The following NTM variants were observed in gnomAD, a reference collection of about 807,000 sequenced individuals.
The protein encoded by NTM is neurotrimin, also known as IgLON family member 2.
A neutral mutation model predicts 42.1 loss-of-function variants in NTM; 13 were observed. That is an observed-to-expected ratio of 0.31 (90% CI 0.20 to 0.49). The LOEUF is 0.49. Ranked by LOEUF, NTM falls within the 20% of genes least tolerant of loss-of-function variation. NTM has a pLI of 0.99. For synonymous variants in NTM, 187 were observed against 179.2 expected (o/e 1.04, Z -0.35); for missense variants, 373 against 452.8 (o/e 0.82, Z 1.60).
chr11:132,234,874 A>T (rs774184538), intron 4 of NTM, among the ~76,000 whole-genome samples: 8 of 152,138 alleles, frequency 5.3e-5, no homozygotes, highest in Non-Finnish European at 7.3e-5. Context: ...GTTTGTGTCA[A>T]TCTTGTAGTC....
chr11:132,325,777 A>G (rs1467332242), intron 7 of NTM, among the ~76,000 whole-genome samples: 1 of 152,242 alleles, frequency 6.6e-6, no homozygotes, highest in Non-Finnish European at 1.5e-5. Context: ...TAAATTTCCA[A>G]CAACAATAGA....
chr11:132,317,743 GC>G, intron 7 of NTM: 1 of 1,132,174 alleles, frequency 8.8e-7, no homozygotes, highest in South Asian at 1.3e-5. Context: ...TATCCCAGAG[GC>G]CCCCTTCCCC....
chr11:132,068,236 T>C (rs2056817742), intron 2 of NTM, among the ~76,000 whole-genome samples: 1 of 152,208 alleles, frequency 6.6e-6, no homozygotes, highest in African/African-American at 2.4e-5. Flanking sequence ...CAAGGGTCTT[T>C]TTTTGCGTAA....
intron 3 of NTM, among the ~76,000 whole-genome samples, chr11:132,190,303 C>A (rs1356770257): frequency 6.6e-6 from 1 of 152,058 alleles, no homozygotes; most frequent in Non-Finnish European, 1.5e-5. Context: ...GGTAGCATAG[C>A]AAGGAAGGGC....
intron 2 of NTM, among the ~76,000 whole-genome samples, chr11:131,998,620 C>A (rs555988998): frequency 5.9e-5 from 9 of 152,154 alleles, no homozygotes; most frequent in African/African-American, 2.2e-4. Flanking sequence ...GTTAGAGAGA[C>A]ACAATCTCAT....
chr11:131,494,224 C>A (rs998431853), intron 1 of NTM, among the ~76,000 whole-genome samples: 5 of 152,060 alleles, frequency 3.3e-5, no homozygotes, highest in African/African-American at 1.2e-4. Context: ...CTTTGAGCTC[C>A]TACAATGTCT....
intron 1 of NTM, among the ~76,000 whole-genome samples, chr11:131,430,701 G>A (rs1948577199): frequency 6.6e-6 from 1 of 152,232 alleles, no homozygotes. Flanking sequence ...CACTTGTGCT[G>A]TACCTTATCA....
At position 131,578,346 on chromosome 11, in the gene NTM, A is replaced by G. The variant is rs6590587; in HGVS notation, c.82+207458A>G. On this transcript the variant is annotated intron_variant, in intron 1 of 8. Coordinates refer to ENST00000683400, the MANE Select transcript of NTM (RefSeq NM_001352005.2). ...TGTCAGATTCAGTTATGATCTATCT[A>G]ACGGCAGGAAGTAGAGGCTCTTTGA... 3.6e-3 allele frequency among the ~76,000 whole-genome samples: 541 copies of G among 152,354 alleles called. 4 individuals carry two copies. Among genetic ancestry groups the G allele is most frequent in the African/African-American group, 0.012 (510 of 41,584 alleles).
At chr11:131,581,752 C>T (rs1478844932) in intron 1 of NTM, among the ~76,000 whole-genome samples, 1 of 152,092 alleles carries the variant, frequency 6.6e-6, no homozygotes, top group African/African-American at 2.4e-5. Flanking sequence ...AGACTGATCC[C>T]CTAAAATGGC....
At position 132,335,406 on chromosome 11, in the gene NTM, C is replaced by T. The variant is rs1021862200; in HGVS notation, c.*260C>T. The T allele has an allele frequency of 6.9e-6, 3 of 434,664 alleles. No homozygotes were observed. The highest frequency in any genetic ancestry group is 4.1e-5 in the African/African-American group (2 of 49,200). The allele number at this position is 434,664 out of a possible 1,614,324, so 26.9% of individuals were successfully genotyped here. ...TTTCCCAAACGGGAAGAACACAGCA[C>T]ACCCGGCTTGGACCCACTGCAAGCT... On this transcript the variant is annotated 3_prime_UTR_variant, in exon 9 of 9. Coordinates refer to ENST00000683400, the MANE Select transcript of NTM (RefSeq NM_001352005.2).
chr11:131,548,035 C>A (rs1364020361), intron 1 of NTM, among the ~76,000 whole-genome samples: 1 of 152,154 alleles, frequency 6.6e-6, no homozygotes, highest in African/African-American at 2.4e-5. Flanking sequence ...CTACCACATA[C>A]TAATTAGGTG....
intron 3 of NTM, among the ~76,000 whole-genome samples, chr11:132,191,381 A>C (rs1226997278): frequency 6.6e-6 from 1 of 152,204 alleles, no homozygotes; most frequent in African/African-American, 2.4e-5. Flanking sequence ...GTTCCAGCCC[A>C]ACAGGGTTAG....
chr11:132,307,731 G>A lies in NTM; in HGVS notation c.569G>A (p.Gly190Asp), dbSNP rs1046376079. ...GAAGACGAATACTTGGAAATTCAGG[G>A]CATCACCAGGGAGCAGTCAGGGGAC... ...VSEDEYLEIQ[G>D]ITREQSGDYE... The change falls in exon 5 of 9, where the codon GGC becomes GAC. Residue 190 changes from glycine (G) to aspartate (D), a missense_variant. Coordinates refer to ENST00000683400, the MANE Select transcript of NTM (RefSeq NM_001352005.2). 3 of 1,614,082 alleles carry A rather than the reference G, an allele frequency of 1.9e-6. No homozygotes were observed. The highest frequency in any genetic ancestry group is 2.5e-6 in the Non-Finnish European group (3 of 1,180,036).
intron 4 of NTM, among the ~76,000 whole-genome samples, chr11:132,267,067 T>C (rs1033692166): frequency 8.5e-5 from 13 of 152,300 alleles, no homozygotes; most frequent in African/African-American, 1.9e-4. Context: ...AACATTTTCA[T>C]GTGCTAGCAC....
At chr11:132,275,904 C>T (rs2093708082) in intron 4 of NTM, among the ~76,000 whole-genome samples, 1 of 151,518 alleles carries the variant, frequency 6.6e-6, no homozygotes, top group Non-Finnish European at 1.5e-5. Context: ...CCATAGTCAC[C>T]CTGCAATGCA....
chr11:131,428,691 C>T (rs542139167), intron 1 of NTM, among the ~76,000 whole-genome samples: 2 of 152,190 alleles, frequency 1.3e-5, no homozygotes, highest in Admixed American at 6.5e-5. Flanking sequence ...ATTTCTGACA[C>T]ATAGTAGAGC....
chr11:131,664,689 A>G (rs2068688046), intron 1 of NTM, among the ~76,000 whole-genome samples: 1 of 151,226 alleles, frequency 6.6e-6, no homozygotes, highest in African/African-American at 2.4e-5. Flanking sequence ...GTAGTTCATT[A>G]TCCCCAAAGT....
intron 1 of NTM, chr11:131,796,150 T>C: frequency 2.0e-6 from 2 of 985,108 alleles, no homozygotes; most frequent in Non-Finnish European, 2.4e-6. Flanking sequence ...AAGGGCAAAA[T>C]GAAATATCGA....
chr11:132,145,353 A>G (rs1444039625), intron 2 of NTM, among the ~76,000 whole-genome samples: 1 of 152,238 alleles, frequency 6.6e-6, no homozygotes, highest in Non-Finnish European at 1.5e-5. Flanking sequence ...ATCATTATAC[A>G]TCCTATGCTA....
Sources: gnomAD v4.1 joint callset for allele counts (sites outside exome capture counted in the v4.1 genomes callset) on GRCh38, gnomAD v4.1.1 for gene constraint, MANE v1.5 for transcripts, NCBI Gene and HGNC (gene_info 2026-07-23, HGNC 2026-07-21) for gene names.